Variants in SHC3 observed in about 807,000 individuals in gnomAD.
SHC3 encodes the protein SHC adaptor protein 3, also known as SHC-transforming protein 3.
A neutral mutation model predicts 60.4 loss-of-function variants in SHC3; 15 were observed. The observed-to-expected ratio is 0.25, with a 90% confidence interval of 0.17 to 0.38. The LOEUF is 0.38. Ranked by LOEUF, SHC3 falls within the 10% of genes least tolerant of loss-of-function variation. The probability of loss-of-function intolerance (pLI) is 1.00; values close to 1 mark genes in which losing one functional copy is unlikely to be tolerated. For synonymous variants in SHC3, 294 were observed against 325.9 expected (o/e 0.90, Z 1.05); for missense variants, 677 against 786.1 (o/e 0.86, Z 1.66).
intron 1 of SHC3, among the ~76,000 whole-genome samples, chr9:89,170,998 T>A (rs1376116043): frequency 6.6e-6 from 1 of 152,186 alleles, no homozygotes; most frequent in Non-Finnish European, 1.5e-5. Context: ...AAACCCCTCA[T>A]AATTCACTTA....
chr9:89,149,781 C>T (rs1269208262), intron 1 of SHC3, among the ~76,000 whole-genome samples: 1 of 152,118 alleles, frequency 6.6e-6, no homozygotes. Context: ...TTCAGTTCCC[C>T]ACAATCAACT....
intron 11 of SHC3, among the ~76,000 whole-genome samples, chr9:89,036,604 C>A (rs901651523): frequency 1.3e-5 from 2 of 152,142 alleles, no homozygotes; most frequent in Non-Finnish European, 2.9e-5. Context: ...GCATACGTGA[C>A]GGGCCCCAGG....
At chr9:89,131,582 C>A (rs1189871753) in intron 1 of SHC3, among the ~76,000 whole-genome samples, 1 of 152,050 alleles carries the variant, frequency 6.6e-6, no homozygotes, top group African/African-American at 2.4e-5. Flanking sequence ...GCTTCATCCC[C>A]AGGACGCAAG....
At chr9:89,080,868 G>A (rs774459215) in intron 2 of SHC3, among the ~76,000 whole-genome samples, 10 of 150,310 alleles carry the variant, frequency 6.7e-5, no homozygotes, top group Admixed American at 2.0e-4. Flanking sequence ...CCGGGTTCAC[G>A]CCATTCTTCT....
At chr9:89,016,273 C>T (rs534346283) in intron 11 of SHC3, among the ~76,000 whole-genome samples, 24 of 152,168 alleles carry the variant, frequency 1.6e-4, no homozygotes, top group African/African-American at 5.3e-4. Flanking sequence ...ACAGGAATAA[C>T]GGAATTCAAC....
chr9:89,066,543 A>G (rs1825184505), intron 5 of SHC3, among the ~76,000 whole-genome samples: 1 of 152,200 alleles, frequency 6.6e-6, no homozygotes, highest in African/African-American at 2.4e-5. Context: ...TTAATTCATA[A>G]ACAAATAAGC....
At chr9:89,164,599 C>G (rs964931765) in intron 1 of SHC3, among the ~76,000 whole-genome samples, 1 of 151,790 alleles carries the variant, frequency 6.6e-6, no homozygotes, top group Non-Finnish European at 1.5e-5. Context: ...AAGCAAGCAG[C>G]AGAGAGCTTT....
chr9:89,059,152 G>A (rs1825015650), intron 6 of SHC3, among the ~76,000 whole-genome samples: 2 of 144,002 alleles, frequency 1.4e-5, no homozygotes, highest in Admixed American at 6.9e-5. Context: ...ATGTGGTGGA[G>A]GATGGTGGTG....
chr9:89,054,586 C>G (rs1309721482), intron 6 of SHC3, among the ~76,000 whole-genome samples: 1 of 152,218 alleles, frequency 6.6e-6, no homozygotes, highest in Non-Finnish European at 1.5e-5. Context: ...GAGGCCTTCC[C>G]CAAAGGCAGT....
In SHC3 at chr9:89,048,855, C is replaced by T. The variant is rs577749140; in HGVS notation, c.963-1861G>A. ...CAGGAGATCCCCGTCACCCCGCTCTCGGATAGTACCCTGCGGGACACCAGG... is the reference window on the plus strand; with the variant it reads ...CAGGAGATCCCCGTCACCCCGCTCTTGGATAGTACCCTGCGGGACACCAGG... On this transcript the variant is annotated intron_variant, in intron 7 of 11. Coordinates refer to ENST00000375835, the MANE Select transcript of SHC3 (RefSeq NM_016848.6). Among the ~76,000 whole-genome samples, 3 of 152,206 alleles carry T rather than the reference C, an allele frequency of 2.0e-5. No individual in the cohort carries two copies. In the East Asian group the frequency reaches 5.8e-4, roughly 29 times the overall value.
At chr9:89,166,212 C>A (rs961786664) in intron 1 of SHC3, among the ~76,000 whole-genome samples, 1 of 152,166 alleles carries the variant, frequency 6.6e-6, no homozygotes, top group Non-Finnish European at 1.5e-5. Context: ...CTGGGAGAAG[C>A]CATCCTTGAT....
chr9:89,113,321 T>G (rs2118116566), intron 1 of SHC3, among the ~76,000 whole-genome samples: 1 of 152,220 alleles, frequency 6.6e-6, no homozygotes, highest in South Asian at 2.1e-4. Flanking sequence ...CTAGATCCAA[T>G]AGTTATGTTC....
chr9:89,046,937 T>C lies in SHC3; in HGVS notation c.1020A>G (p.Pro340=). 1.2e-6 allele frequency: 2 copies of C among 1,611,420 alleles called. No individual in the cohort carries two copies. Among genetic ancestry groups the C allele is most frequent in the Non-Finnish European group, 1.7e-6 (2 of 1,178,910 alleles). Residue 340 remains proline, a synonymous_variant, in exon 8 of 12, where the codon CCA becomes CCG. Transcript: ENST00000375835. ...TEEEGDGSDH[P]YYNSIPSKMP... ...TCTTGCTTGGGATGCTGTTGTAGTA[T>C]GGGTGGTCTGAGCCATCTCCCTCCT...
intron 6 of SHC3, among the ~76,000 whole-genome samples, chr9:89,060,913 G>A (rs1267463910): frequency 2.6e-5 from 4 of 152,116 alleles, no homozygotes; most frequent in Admixed American, 1.3e-4. Context: ...GGAAGGGGTT[G>A]CGGTTGATAG....
chr9:89,045,142 G>C (rs1824750887), intron 9 of SHC3, among the ~76,000 whole-genome samples: 1 of 152,066 alleles, frequency 6.6e-6, no homozygotes, highest in Admixed American at 6.5e-5. Flanking sequence ...AGCACCCCTG[G>C]GCATGGAAGC....
intron 2 of SHC3, among the ~76,000 whole-genome samples, chr9:89,095,228 C>A (rs933672114): frequency 2.0e-5 from 3 of 152,152 alleles, no homozygotes; most frequent in African/African-American, 7.2e-5. Flanking sequence ...ATATCCTTAA[C>A]TGATGAATGG....
At chr9:89,144,311 T>C (rs1826437420) in intron 1 of SHC3, among the ~76,000 whole-genome samples, 1 of 152,160 alleles carries the variant, frequency 6.6e-6, no homozygotes, top group African/African-American at 2.4e-5. Flanking sequence ...CTTATGCAAT[T>C]AGAAAGAACA....
At position 89,038,040 on chromosome 9, in the gene SHC3, G is replaced by A; in HGVS notation, c.1609C>T (p.His537Tyr). 1 of 1,613,272 alleles carries A rather than the reference G, an allele frequency of 6.2e-7. No homozygotes were observed. Residue 537 changes from histidine to tyrosine, a missense_variant, in exon 11 of 12, where the codon CAC becomes TAC. By Grantham distance (83) the His-to-Tyr change is moderately conservative. Coordinates refer to ENST00000375835, the MANE Select transcript of SHC3 (RefSeq NM_016848.6). ...NPGSFVLTGM[H>Y]NGQAKHLLLV... ...AGCAGGTGCTTGGCCTGGCCATTGTGCATGCCCGTGAGGACAAAGGAGCCC... is the reference window on the plus strand; with the variant it reads ...AGCAGGTGCTTGGCCTGGCCATTGTACATGCCCGTGAGGACAAAGGAGCCC...
Position 89,038,306 on chromosome 9 carries a change from G to C in SHC3, c.1361-18C>G. ...AAAAGGTTCTGTCATCAACAATATT[G>C]ACCAGCAACAAGTCAATCCCAAGAA... On this transcript the variant is annotated intron_variant, in intron 10 of 11. Coordinates refer to ENST00000375835, the MANE Select transcript of SHC3 (RefSeq NM_016848.6). The C allele has an allele frequency of 1.3e-6, 2 of 1,574,182 alleles. No individual in the cohort carries two copies. Among genetic ancestry groups the C allele is most frequent in the Non-Finnish European group, 1.7e-6 (2 of 1,158,378 alleles).
Sources: gnomAD v4.1 joint callset for allele counts (sites outside exome capture counted in the v4.1 genomes callset) on GRCh38, gnomAD v4.1.1 for gene constraint, MANE v1.5 for transcripts, NCBI Gene and HGNC (gene_info 2026-07-23, HGNC 2026-07-21) for gene names.